Variants in CCNL2 observed in about 807,000 individuals in gnomAD.
The protein encoded by CCNL2 is cyclin-L2.
A neutral mutation model predicts 59.1 loss-of-function variants in CCNL2; 28 were observed. The ratio of observed to expected loss-of-function variants is 0.47; its 90% CI spans 0.35 to 0.65. CCNL2 has a LOEUF of 0.65. Ranked by LOEUF, CCNL2 falls within the 30% of genes least tolerant of loss-of-function variation. The pLI is 0.00. For synonymous variants in CCNL2, 342 were observed against 288.6 expected, an observed-to-expected ratio of 1.19 and a Z score of -1.88; for missense variants, 714 against 717.4, an observed-to-expected ratio of 1.00 and a Z score of 0.05.
At position 1,395,465 on chromosome 1, in the gene CCNL2, G is replaced by T. The variant is rs770637259; in HGVS notation, c.523C>A (p.Gln175Lys). Residue 175 changes from glutamine (Q) to lysine (K), a missense_variant, in exon 4 of 11, where the codon CAA becomes AAA. Coordinates refer to ENST00000400809, the MANE Select transcript of CCNL2 (RefSeq NM_030937.6). The stretch of plus-strand genomic sequence containing the variant: ...ACTCGTCTTTCCGCCTTTATAATTT[G>T]GTTCTTTAAATTAACATAATCTTGA... ...LDQDYVNLKN[Q>K]IIKAERRVLK... 24 of 1,614,008 alleles carry T rather than the reference G, an allele frequency of 1.5e-5. No homozygotes were observed. Among genetic ancestry groups the T allele is most frequent in the Non-Finnish European group, 1.9e-5 (22 of 1,180,020 alleles).
intron 5 of CCNL2, 125 bp downstream of exon 5, chr1:1,393,271 G>T: frequency 1.3e-6 from 1 of 766,172 alleles, no homozygotes; most frequent in Non-Finnish European, 2.3e-6. Flanking sequence ...AGGAGCACTG[G>T]GCACTCGGAC....
intron 3 of CCNL2, among the ~76,000 whole-genome samples, chr1:1,396,769 GACGGAGTCTT>G (rs925338404): frequency 6.1e-5 from 9 of 147,530 alleles, no homozygotes; most frequent in African/African-American, 2.3e-4. Context: ...TTTTTTTTGA[GACGGAGTCTT>G]GCTCTGTCGC....
Position 1,390,573 on chromosome 1 carries a change from CA to C in CCNL2, c.760-11del. ...GATTGGGCAAAGGGATCTGTAAAAA[CA>C]AACACTATCATCATTACACTTTCCT... On this transcript the variant is annotated splice_polypyrimidine_tract_variant and intron_variant, in intron 6 of 10. Coordinates refer to ENST00000400809, the MANE Select transcript of CCNL2 (RefSeq NM_030937.6). 6.3e-7 allele frequency: 1 copy of C among 1,599,576 alleles called. No individual in the cohort carries two copies. The highest frequency in any genetic ancestry group is 2.2e-5 in the East Asian group (1 of 44,814).
rs779670113 is a variant in CCNL2 at position 1,387,885 on chromosome 1, G to A, written c.1119-16C>T. On this transcript the variant is annotated splice_polypyrimidine_tract_variant and intron_variant, in intron 9 of 10. Coordinates refer to ENST00000400809, the MANE Select transcript of CCNL2 (RefSeq NM_030937.6). ...CTTTGGCAAGCTGTGAACAGGACAG[G>A]AGCCAGTTACAAAGCAGAAGTCCCT... The A allele has an allele frequency of 4.3e-6, 7 of 1,613,694 alleles. No individual in the cohort carries two copies. Among genetic ancestry groups the A allele is most frequent in the South Asian group, 1.1e-5 (1 of 91,078 alleles).
rs1645184996 is a variant in CCNL2 at position 1,398,619 on chromosome 1, G to T, written c.341C>A (p.Ser114Tyr). ...TACCTCCATGGAGTGCTTCACGAAGGACTTGGTATAAAAGAACCGCTGGAA... is the reference window on the plus strand; with the variant it reads ...TACCTCCATGGAGTGCTTCACGAAGTACTTGGTATAAAAGAACCGCTGGAA... The part of the protein sequence containing the change: ...VLFQRFFYTK[S>Y]FVKHSMEHVS... Residue 114 changes from serine (S) to tyrosine (Y), a missense_variant, in exon 2 of 11, where the codon TCC (serine) becomes TAC (tyrosine). This residue lies in a region of CCNL2 where 270 missense variants were observed against 254.9 expected (regional missense o/e 1.06). Coordinates refer to ENST00000400809, the MANE Select transcript of CCNL2 (RefSeq NM_030937.6). 1.9e-6 allele frequency: 3 copies of T among 1,613,850 alleles called. No homozygotes were observed. The highest frequency in any genetic ancestry group is 2.5e-6 in the Non-Finnish European group (3 of 1,179,962).
At position 1,398,682 on chromosome 1, in the gene CCNL2, A is replaced by C; in HGVS notation, c.289-11T>G. 6.2e-7 allele frequency: 1 copy of C among 1,600,814 alleles called. No individual in the cohort carries two copies. Among genetic ancestry groups the C allele is most frequent in the Non-Finnish European group, 8.6e-7 (1 of 1,168,962 alleles). On this transcript the variant is annotated splice_polypyrimidine_tract_variant and intron_variant, in intron 1 of 10. Transcript: ENST00000400809. Reference sequence around the variant, plus strand: ...GGTAGCCATGGCCACCTAGAGTAGAAGAAAGTTTCCGTATTTTCAAACGCA... The same window carrying C: ...GGTAGCCATGGCCACCTAGAGTAGACGAAAGTTTCCGTATTTTCAAACGCA...
chr1:1,398,374 T>C (rs1645166666), intron 2 of CCNL2, 32 bp from the exon 3 acceptor site: 1 of 1,613,568 alleles, frequency 6.2e-7, no homozygotes, highest in South Asian at 1.1e-5. Flanking sequence ...ACGCCCATGT[T>C]TGTCCCCAGC....
At chr1:1,392,283 T>G in intron 5 of CCNL2, 2 of 952,192 alleles carry the variant, frequency 2.1e-6, no homozygotes, top group Non-Finnish European at 2.5e-6. Context: ...AATGAAATCT[T>G]GAGAACATAT....
In CCNL2 at chr1:1,393,414, T is replaced by C; in HGVS notation, c.641A>G (p.His214Arg). ...LQVLECERNQHLVQTSWNYMN... is the reference protein window; with the variant it reads ...LQVLECERNQRLVQTSWNYMN... ...AACTCACCATGAGGTCTGGACCAGG[T>C]GTTGGTTACGCTCACACTCTAACAC... The change falls in exon 5 of 11, where the codon CAC (histidine) becomes CGC (arginine). Residue 214 changes from histidine to arginine, a missense_variant. Transcript: ENST00000400809. 1 of 1,614,048 alleles carries C rather than the reference T, an allele frequency of 6.2e-7. No individual in the cohort carries two copies. The highest frequency in any genetic ancestry group is 1.3e-5 in the African/African-American group (1 of 75,026).
At chr1:1,396,141 T>C (rs1287983758) in intron 3 of CCNL2, among the ~76,000 whole-genome samples, 1 of 133,780 alleles carries the variant, frequency 7.5e-6, no homozygotes, top group East Asian at 2.4e-4. Context: ...ATCGCATCAC[T>C]GCACTCCAGC....
intron 3 of CCNL2, among the ~76,000 whole-genome samples, chr1:1,397,363 C>G (rs998358552): frequency 6.6e-6 from 1 of 152,192 alleles, no homozygotes; most frequent in Non-Finnish European, 1.5e-5. Flanking sequence ...GGTGACATCA[C>G]AGCTCACTGC....
chr1:1,398,125 G>C, intron 3 of CCNL2, 108 bp downstream of exon 3: 3 of 1,060,600 alleles, frequency 2.8e-6, no homozygotes, highest in Non-Finnish European at 4.2e-6. Flanking sequence ...ATATCCCACA[G>C]GTTTAGAGCC....
intron 8 of CCNL2, chr1:1,389,570 T>G (rs1260461109): frequency 6.6e-6 from 1 of 152,166 alleles, no homozygotes; most frequent in African/African-American, 2.4e-5. Context: ...CCTAGCACTC[T>G]GGGACGCTGA....
At chr1:1,390,135 G>GAAA in intron 8 of CCNL2, 95 bp downstream of exon 8, 1 of 826,390 alleles carries the variant, frequency 1.2e-6, no homozygotes, top group African/African-American at 1.9e-5. Flanking sequence ...AAAAAAAAAT[G>GAAA]TCTGGAAGGA....
At chr1:1,390,172 G>A (rs1399910246) in intron 8 of CCNL2, 58 bp downstream of exon 8, 2 of 1,513,892 alleles carry the variant, frequency 1.3e-6, no homozygotes, top group Non-Finnish European at 8.9e-7. Context: ...GGAGGCGGGG[G>A]AGAGTCACCA....
At position 1,390,779 on chromosome 1, in the gene CCNL2, G is replaced by C; in HGVS notation, c.746C>G (p.Ala249Gly). 1 of 1,613,974 alleles carries C rather than the reference G, an allele frequency of 6.2e-7. No individual in the cohort carries two copies. Among genetic ancestry groups the C allele is most frequent in the Non-Finnish European group, 8.5e-7 (1 of 1,179,892 alleles). The change falls in exon 6 of 11, where the codon GCC becomes GGC. Residue 249 changes from alanine (A) to glycine (G), a missense_variant. Physicochemically the swap from Ala to Gly is moderately conservative, Grantham distance 60. Transcript: ENST00000400809. ...CAACACACTGACCTCCAGCGTCCGG[G>C]CAGCAAGATAAATGCAGGCACAGGC... ...SIACACIYLAARTLEIPLPNR... is the reference protein window; with the variant it reads ...SIACACIYLAGRTLEIPLPNR...
At chr1:1,393,688 G>A (rs1431442456) in intron 4 of CCNL2, among the ~76,000 whole-genome samples, 2 of 152,234 alleles carry the variant, frequency 1.3e-5, no homozygotes, top group African/African-American at 4.8e-5. Flanking sequence ...CACAACCCAC[G>A]GCACAGGCCT....
At chr1:1,398,429 C>T (rs981477039) in intron 2 of CCNL2, 87 bp from the exon 3 acceptor site, 17 of 1,592,268 alleles carry the variant, frequency 1.1e-5, no homozygotes, top group Non-Finnish European at 1.4e-5. Flanking sequence ...CTATTCAGAC[C>T]AAAAGGGAGG....
At chr1:1,393,564 A>C in intron 4 of CCNL2, 104 bp from the exon 5 acceptor site, 1 of 1,000,336 alleles carries the variant, frequency 1.0e-6, no homozygotes. Flanking sequence ...GCTAGATCCC[A>C]GGAGTGGCTC....
Sources: gnomAD v4.1 joint callset for allele counts (sites outside exome capture counted in the v4.1 genomes callset) on GRCh38, gnomAD v4.1.1 for gene constraint, gnomAD v4.1.1 regional missense constraint, MANE v1.5 for transcripts, NCBI Gene and HGNC (gene_info 2026-07-23, HGNC 2026-07-21) for gene names.